DNAH10: variants seen among roughly 807,000 people sequenced by gnomAD.
DNAH10 encodes the protein dynein axonemal heavy chain 10.
Under a neutral mutation model 506.6 loss-of-function variants are expected in DNAH10, and 348 were observed. The observed-to-expected ratio is 0.69, with a 90% confidence interval of 0.63 to 0.75. The LOEUF (loss-of-function observed/expected upper bound fraction) is 0.75. DNAH10 is among the 30% of genes least tolerant of loss of function. The pLI is 0.00. For missense variants in DNAH10, 5,179 were observed against 5,787.1 expected (o/e 0.89, Z 3.41); for synonymous variants, 2,059 against 2,198.6 (o/e 0.94, Z 1.78).
At chr12:123,905,221 A>G (rs1436389046) in intron 57 of DNAH10, among the ~76,000 whole-genome samples, 1 of 152,136 alleles carries the variant, frequency 6.6e-6, no homozygotes, top group South Asian at 2.1e-4. Context: ...TTCACATTCC[A>G]TTGTGTGGCT....
At chr12:123,911,171 C>CAAA (rs375061139) in intron 59 of DNAH10, among the ~76,000 whole-genome samples, 3 of 111,088 alleles carry the variant, frequency 2.7e-5, no homozygotes, top group African/African-American at 1.0e-4. Context: ...GACCCTGTCT[C>CAAA]AAAAAAAAAA....
intron 11 of DNAH10, among the ~76,000 whole-genome samples, chr12:123,793,717 A>G (rs1335513128): frequency 2.0e-5 from 3 of 152,126 alleles, no homozygotes; most frequent in South Asian, 2.1e-4. Context: ...TTTTGTTTAT[A>G]TGAGTTAATA....
intron 62 of DNAH10, among the ~76,000 whole-genome samples, chr12:123,915,572 C>T (rs968067819): frequency 6.6e-6 from 1 of 152,136 alleles, no homozygotes; most frequent in Non-Finnish European, 1.5e-5. Context: ...ATCTGCTTTC[C>T]GTCTGTGAAT....
chr12:123,917,553 G>A lies in DNAH10; in HGVS notation c.11003-31G>A. The A allele has an allele frequency of 6.5e-7, 1 of 1,545,124 alleles. No homozygotes were observed. The highest frequency in any genetic ancestry group is 2.0e-5 in the Admixed American group (1 of 50,956). On this transcript the variant is annotated intron_variant, in intron 63 of 78. Coordinates refer to ENST00000673944, the MANE Select transcript of DNAH10 (RefSeq NM_001372106.1). This position sits in a 1 kb window ranked among gnomAD's most constrained non-coding sequence, Gnocchi z 5.6. ...GGAGAGACTGTTGTTGGGGGCCGCAGGTGGTGAGGGCCTCTCACTGTCCCC... is the reference window on the plus strand; with the variant it reads ...GGAGAGACTGTTGTTGGGGGCCGCAAGTGGTGAGGGCCTCTCACTGTCCCC...
At position 123,796,648 on chromosome 12, in the gene DNAH10, C is replaced by T. The variant is rs1565913761; in HGVS notation, c.1987-8C>T. ...ATCACTTACAGAAGCTGTTTGATTG[C>T]TTTTCAGATTGACATCATTAATAAA... On this transcript the variant is annotated splice_polypyrimidine_tract_variant and splice_region_variant and intron_variant, in intron 12 of 78. Coordinates refer to ENST00000673944, the MANE Select transcript of DNAH10 (RefSeq NM_001372106.1). The T allele has an allele frequency of 1.9e-6, 3 of 1,590,734 alleles. No homozygotes were observed. The highest frequency in any genetic ancestry group is 1.7e-5 in the Admixed American group (1 of 57,462).
chr12:123,838,986 A>G (rs1594157942), intron 29 of DNAH10, among the ~76,000 whole-genome samples: 1 of 152,042 alleles, frequency 6.6e-6, no homozygotes, highest in Middle Eastern at 3.4e-3. Flanking sequence ...TAATTTTTAT[A>G]TATTTTTTGG....
rs756702238 is a variant in DNAH10 at position 123,928,498 on chromosome 12, A to T, written c.12217A>T (p.Ile4073Phe). ...LKDLEKSLER[I>F]TKPHPDFRLW... ...AGATCTGGAGAAGTCCCTGGAGAGG[A>T]TCACCAAGCCCCACCCAGACTTCCG... is the stretch of plus-strand genomic sequence containing the variant. The change falls in exon 70 of 79, where the codon ATC (isoleucine) becomes TTC (phenylalanine). Residue 4073 changes from isoleucine (I) to phenylalanine (F), a missense_variant. Physicochemically the swap from Ile to Phe is conservative, Grantham distance 21. Transcript: ENST00000673944. The surrounding 1 kb of genome is among the most constrained non-coding windows in gnomAD (Gnocchi z 4.9). The T allele has an allele frequency of 1.9e-6, 3 of 1,611,504 alleles. No individual in the cohort carries two copies. In the South Asian group the frequency reaches 3.3e-5, roughly 18 times the overall value.
rs1448707417 is a variant in DNAH10 at position 123,861,199 on chromosome 12, C to T, written c.6908+29C>T. The T allele has an allele frequency of 3.1e-6, 5 of 1,609,688 alleles. No homozygotes were observed. In the South Asian group the frequency reaches 5.5e-5, roughly 18 times the overall value. Reference sequence around the variant, plus strand: ...AGTATCTTTGTAGGTAGGAAAGAGCCTGGGTTAGTTAATGTTAATTAGCTC... The same window carrying T: ...AGTATCTTTGTAGGTAGGAAAGAGCTTGGGTTAGTTAATGTTAATTAGCTC... On this transcript the variant is annotated intron_variant, in intron 39 of 78. Coordinates refer to ENST00000673944, the MANE Select transcript of DNAH10 (RefSeq NM_001372106.1).
intron 25 of DNAH10, 30 bp from the exon 26 acceptor site, chr12:123,830,516 A>G: frequency 6.2e-7 from 1 of 1,600,392 alleles, no homozygotes; most frequent in Non-Finnish European, 8.5e-7. Flanking sequence ...TTCAGTAAGC[A>G]TAAAGATTTG....
At position 123,850,620 on chromosome 12, in the gene DNAH10, T is replaced by C. The variant is rs757804448; in HGVS notation, c.6103-268T>C. Among the ~76,000 whole-genome samples the C allele has an allele frequency of 6.6e-5, 10 of 152,204 alleles. No homozygotes were observed. Among genetic ancestry groups the C allele is most frequent in the East Asian group, 1.9e-4 (1 of 5,186 alleles). ...AGCTTCTTGTATCAGCCCCAGACTCTGTGCTTCGCCAACCTGGGCCCCTTC... is the reference window on the plus strand; with the variant it reads ...AGCTTCTTGTATCAGCCCCAGACTCCGTGCTTCGCCAACCTGGGCCCCTTC... On this transcript the variant is annotated intron_variant, in intron 34 of 78. Transcript: ENST00000673944. This position sits in a 1 kb window ranked among gnomAD's most constrained non-coding sequence, Gnocchi z 5.5.
chr12:123,852,576 CTTT>C (rs10713531), intron 35 of DNAH10, among the ~76,000 whole-genome samples: 3 of 142,078 alleles, frequency 2.1e-5, no homozygotes, highest in Non-Finnish European at 3.1e-5. Flanking sequence ...CATTTACAGC[CTTT>C]TTTTTTTTTT....
intron 59 of DNAH10, among the ~76,000 whole-genome samples, chr12:123,912,708 T>G (rs1166564163): frequency 1.3e-5 from 2 of 152,186 alleles, no homozygotes; most frequent in Non-Finnish European, 2.9e-5. Flanking sequence ...GTTAATTTGA[T>G]CATTTTGAGT....
rs1449286295 is a variant in DNAH10, at chr12:123,800,357, A to T, written c.2431A>T (p.Asn811Tyr). 1 of 1,613,962 alleles carries T rather than the reference A, an allele frequency of 6.2e-7. No individual in the cohort carries two copies. The highest frequency in any genetic ancestry group is 1.1e-5 in the South Asian group (1 of 91,046). The change falls in exon 15 of 79, where the codon AAT (asparagine) becomes TAT (tyrosine). Residue 811 changes from asparagine to tyrosine, a missense_variant. By Grantham distance (143) the Asn-to-Tyr change is moderately radical (BLOSUM62 -2). Coordinates refer to ENST00000673944, the MANE Select transcript of DNAH10 (RefSeq NM_001372106.1). ...LGFTVPELAR[N>Y]VALQEDKFLR... is the part of the protein sequence containing the mutation. The stretch of plus-strand genomic sequence containing the variant: ...GTTCACTGTCCCTGAATTAGCAAGA[A>T]ATGTTGCTCTCCAGGAAGACAAATT...
Position 123,928,404 on chromosome 12 carries a change from G to A in DNAH10, c.12123G>A (p.Leu4041=). 3 of 1,602,908 alleles carry A rather than the reference G, an allele frequency of 1.9e-6. No homozygotes were observed. Among genetic ancestry groups the A allele is most frequent in the Non-Finnish European group, 2.6e-6 (3 of 1,175,324 alleles). ...QGQEKVALQL[L]ETAVARGQWL... is the part of the protein sequence containing the mutation. Reference sequence around the variant, plus strand: ...CGGCGCAGGTGGCCCTGCAGCTGCTGGAGACGGCGGTGGCTCGGGGGCAGT... The same window carrying A: ...CGGCGCAGGTGGCCCTGCAGCTGCTAGAGACGGCGGTGGCTCGGGGGCAGT... Residue 4041 remains leucine (L), a synonymous_variant, in exon 70 of 79, where the codon CTG becomes CTA. Coordinates refer to ENST00000673944, the MANE Select transcript of DNAH10 (RefSeq NM_001372106.1). This position sits in a 1 kb window ranked among gnomAD's most constrained non-coding sequence, Gnocchi z 4.9.
intron 54 of DNAH10, among the ~76,000 whole-genome samples, chr12:123,896,152 G>C (rs56147810): frequency 0.46 from 26,571 of 57,312 alleles, 3,910 homozygotes; most frequent in Non-Finnish European, 0.54. Flanking sequence ...CACACACAGA[G>C]AGAGAGAGAG....
Position 123,919,267 on chromosome 12 carries a change from G to A in DNAH10, c.11506+318G>A, listed in dbSNP as rs1330528208. Among the ~76,000 whole-genome samples, 1 of 151,852 alleles carries A rather than the reference G, an allele frequency of 6.6e-6. No individual in the cohort carries two copies. The highest frequency in any genetic ancestry group is 1.9e-4 in the East Asian group (1 of 5,166). On this transcript the variant is annotated intron_variant, in intron 65 of 78. Coordinates refer to ENST00000673944, the MANE Select transcript of DNAH10 (RefSeq NM_001372106.1). The surrounding 1 kb of genome is among the most constrained non-coding windows in gnomAD (Gnocchi z 4.9). ...TTTTTGTATATTTTGTAGAGATGGGGTTTCACTATGTTGCCCAGGCTGGTC... is the reference window on the plus strand; with the variant it reads ...TTTTTGTATATTTTGTAGAGATGGGATTTCACTATGTTGCCCAGGCTGGTC...
At chr12:123,886,541 AAGTG>A (rs1225099381) in intron 51 of DNAH10, among the ~76,000 whole-genome samples, 1 of 152,014 alleles carries the variant, frequency 6.6e-6, no homozygotes, top group Non-Finnish European at 1.5e-5. Flanking sequence ...GCCAGGGTGC[AAGTG>A]AGTGTGTGGC....
intron 27 of DNAH10, among the ~76,000 whole-genome samples, chr12:123,834,903 A>G (rs1451477601): frequency 1.3e-5 from 2 of 152,150 alleles, no homozygotes; most frequent in Non-Finnish European, 2.9e-5. Context: ...GATTGATCAC[A>G]TGTTGTTTTT....
chr12:123,879,159 G>T lies in DNAH10; in HGVS notation c.8373-105G>T, dbSNP rs1952387848. 1.9e-5 allele frequency: 16 copies of T among 848,858 alleles called. No homozygotes were observed. The South Asian group carries it at 2.1e-4, about 11-fold the overall frequency. 52.6% of individuals were successfully genotyped at this position (848,858 alleles called of 1,614,324 possible). Reference sequence around the variant, plus strand: ...GGGGGCACGACTGGAGAAATGTTGGGCCTTTATTGCGCTCTGTGTGTCTGT... The same window carrying T: ...GGGGGCACGACTGGAGAAATGTTGGTCCTTTATTGCGCTCTGTGTGTCTGT... On this transcript the variant is annotated intron_variant, in intron 48 of 78. Coordinates refer to ENST00000673944, the MANE Select transcript of DNAH10 (RefSeq NM_001372106.1).
Sources: allele counts gnomAD v4.1 joint callset (sites outside exome capture counted in the v4.1 genomes callset), GRCh38; gene constraint gnomAD v4.1.1; non-coding constraint Gnocchi (gnomAD v3.1); transcripts MANE v1.5; gene names NCBI Gene and HGNC (gene_info 2026-07-23, HGNC 2026-07-21).